ESYT2: variants seen among roughly 807,000 people sequenced by gnomAD.
ESYT2 encodes the protein extended synaptotagmin 2, also known as extended synaptotagmin-2.
ESYT2 carries 54 observed loss-of-function variants against 107.2 expected under a neutral mutation model. That is an observed-to-expected ratio of 0.50 (90% CI 0.40 to 0.63). The LOEUF (loss-of-function observed/expected upper bound fraction) is 0.63. ESYT2 is among the 30% of genes least tolerant of loss of function. ESYT2 has a pLI of 0.00. For missense variants in ESYT2, 1,020 were observed against 1,094.5 expected (o/e 0.93, Z 0.96); for synonymous variants, 491 against 434.1 (o/e 1.13, Z -1.63).
chr7:158,807,645 T>G (rs893331725), intron 1 of ESYT2, among the ~76,000 whole-genome samples: 14 of 152,200 alleles, frequency 9.2e-5, no homozygotes, highest in African/African-American at 3.4e-4. Context: ...CACTGCTGTT[T>G]GCTGTTACAC....
Position 158,826,113 on chromosome 7 carries a change from T to C in ESYT2, c.330+2976A>G, listed in dbSNP as rs148742220. ...TAGTTTCTTCTATTATTGATGTGCT[T>C]TGACCACCCCCACCACCCCTGCCGC... On this transcript the variant is annotated intron_variant, in intron 1 of 22. Coordinates refer to ENST00000275418, the MANE Select transcript of ESYT2 (RefSeq NM_001367773.1). Among the ~76,000 whole-genome samples, 423 of 152,264 alleles carry C rather than the reference T, an allele frequency of 2.8e-3. 4 individuals are homozygous for C. Among genetic ancestry groups the C allele is most frequent in the African/African-American group, 9.5e-3 (395 of 41,552 alleles).
intron 3 of ESYT2, among the ~76,000 whole-genome samples, chr7:158,794,934 T>C (rs1234021057): frequency 1.3e-5 from 2 of 152,242 alleles, no homozygotes; most frequent in Non-Finnish European, 1.5e-5. Flanking sequence ...CCAGGCTTTT[T>C]CTTTATGGTA....
In ESYT2 at chr7:158,759,572, C is replaced by A; in HGVS notation, c.1333G>T (p.Asp445Tyr). The change falls in exon 13 of 23, where the codon GAC becomes TAC. Residue 445 changes from aspartate to tyrosine, a missense_variant. By Grantham distance (160) the Asp-to-Tyr change is radical (BLOSUM62 -3). Transcript: ENST00000275418. The part of the protein sequence containing the change: ...NASNLDKVLT[D>Y]IKADKDQAND... Reference sequence around the variant, plus strand: ...GCTTGGTCTTTGTCAGCTTTGATGTCTGTTAGCACCTAAAAGGAAAGGAAA... The same window carrying A: ...GCTTGGTCTTTGTCAGCTTTGATGTATGTTAGCACCTAAAAGGAAAGGAAA... 1 of 1,609,052 alleles carries A rather than the reference C, an allele frequency of 6.2e-7. No homozygotes were observed. Among genetic ancestry groups the A allele is most frequent in the South Asian group, 1.1e-5 (1 of 90,878 alleles).
At chr7:158,774,029 C>T (rs887654504) in intron 6 of ESYT2, among the ~76,000 whole-genome samples, 1 of 152,192 alleles carries the variant, frequency 6.6e-6, no homozygotes, top group African/African-American at 2.4e-5. Context: ...TAGAATAATT[C>T]CCAGTTAGCT....
intron 4 of ESYT2, among the ~76,000 whole-genome samples, chr7:158,788,858 C>A (rs1437460247): frequency 6.6e-6 from 1 of 152,156 alleles, no homozygotes; most frequent in African/African-American, 2.4e-5. Context: ...CACCTTGCTT[C>A]CCAATCATGA....
chr7:158,814,358 C>T (rs2167911), intron 1 of ESYT2, among the ~76,000 whole-genome samples: 1 of 120,244 alleles, frequency 8.3e-6, no homozygotes, highest in Non-Finnish European at 1.7e-5. Context: ...AAATAATATA[C>T]CTTACTCGTC....
intron 4 of ESYT2, among the ~76,000 whole-genome samples, chr7:158,792,663 C>A (rs1166929379): frequency 6.6e-6 from 1 of 151,168 alleles, no homozygotes; most frequent in African/African-American, 2.4e-5. Flanking sequence ...CTAGAACTCA[C>A]AATATTGTGT....
At chr7:158,809,857 C>CTGTT (rs61188867) in intron 1 of ESYT2, among the ~76,000 whole-genome samples, 20,463 of 152,102 alleles carry the variant, frequency 0.13, 2,252 homozygotes, top group East Asian at 0.55. Context: ...ACCTGGCTGG[C>CTGTT]TGTTTCTGTA....
rs1204519809 is a variant in ESYT2 at position 158,829,453 on chromosome 7, G to A, written c.-35C>T. 1 of 1,197,396 alleles carries A rather than the reference G, an allele frequency of 8.4e-7. No homozygotes were observed. Among genetic ancestry groups the A allele is most frequent in the Non-Finnish European group, 1.0e-6 (1 of 967,676 alleles). The allele number at this position is 1,197,396 out of a possible 1,614,324, so 74.2% of individuals were successfully genotyped here. On this transcript the variant is annotated 5_prime_UTR_variant, in exon 1 of 23. Coordinates refer to ENST00000275418, the MANE Select transcript of ESYT2 (RefSeq NM_001367773.1). Reference sequence around the variant, plus strand: ...GTGCCGCGCTGCCCTCCCGGCCGAGGCGGGCTGGGTGCTCGCGCTGATCCC... The same window carrying A: ...GTGCCGCGCTGCCCTCCCGGCCGAGACGGGCTGGGTGCTCGCGCTGATCCC...
In ESYT2 at chr7:158,743,618, G is replaced by A. The variant is rs769674922; in HGVS notation, c.1705C>T (p.Leu569Phe). The A allele has an allele frequency of 1.2e-6, 2 of 1,613,760 alleles. No individual in the cohort carries two copies. The highest frequency in any genetic ancestry group is 1.7e-5 in the Admixed American group (1 of 59,930). Residue 569 changes from leucine to phenylalanine, a missense_variant, in exon 17 of 23, where the codon CTC becomes TTC. By Grantham distance (22) the Leu-to-Phe change is conservative. Coordinates refer to ENST00000275418, the MANE Select transcript of ESYT2 (RefSeq NM_001367773.1). ...CTCACAGTCATGTCCTCACTGGTGA[G>A]CAGCTGGCTGAGGGGGACCTTCAGG... ...GNLKVPLSQL[L>F]TSEDMTVSQR... is the part of the protein sequence containing the mutation.
At chr7:158,753,513 T>C (rs114134257) in intron 13 of ESYT2, among the ~76,000 whole-genome samples, 178 of 152,330 alleles carry the variant, frequency 1.2e-3, no homozygotes, top group African/African-American at 4.1e-3. Flanking sequence ...TGCAAGCTCC[T>C]TCTAGGACTA....
chr7:158,735,402 G>A (rs1018446745), intron 21 of ESYT2, 101 bp downstream of exon 21: 21 of 889,482 alleles, frequency 2.4e-5, no homozygotes, highest in Admixed American at 4.2e-5. Flanking sequence ...TCGTAAGTTC[G>A]CCCCTTCCAC....
At chr7:158,788,296 G>A (rs745731183) in intron 5 of ESYT2, 49 bp downstream of exon 5, 6 of 1,526,906 alleles carry the variant, frequency 3.9e-6, no homozygotes, top group Non-Finnish European at 5.3e-6. Flanking sequence ...ATACAGCTTA[G>A]AGAACTTTAG....
chr7:158,775,794 A>G (rs1323888073), intron 6 of ESYT2, among the ~76,000 whole-genome samples: 1 of 152,156 alleles, frequency 6.6e-6, no homozygotes, highest in African/African-American at 2.4e-5. Flanking sequence ...ATGAATCACT[A>G]GTGTTTTCAA....
chr7:158,793,795 A>G (rs1166084895), intron 3 of ESYT2, 69 bp from the exon 4 acceptor site: 1 of 1,200,458 alleles, frequency 8.3e-7, no homozygotes, highest in East Asian at 2.4e-5. Flanking sequence ...GTAACATACC[A>G]TAGAGACAAA....
chr7:158,786,597 C>A (rs969269800), intron 6 of ESYT2, among the ~76,000 whole-genome samples: 16 of 152,208 alleles, frequency 1.1e-4, no homozygotes, highest in African/African-American at 3.6e-4. Context: ...ATAAGAAAAT[C>A]AGAACAATTA....
intron 6 of ESYT2, among the ~76,000 whole-genome samples, chr7:158,787,256 C>A (rs1034700215): frequency 1.3e-5 from 2 of 152,230 alleles, no homozygotes; most frequent in African/African-American, 4.8e-5. Flanking sequence ...ATACGTTCCA[C>A]ATCCCTAATC....
Position 158,741,666 on chromosome 7 carries a change from C to T in ESYT2, c.2025G>A (p.Leu675=), listed in dbSNP as rs1253369233. The T allele has an allele frequency of 6.2e-7, 1 of 1,613,920 alleles. No homozygotes were observed. The highest frequency in any genetic ancestry group is 8.5e-7 in the Non-Finnish European group (1 of 1,179,992). The change falls in exon 18 of 23, where the codon CTG becomes CTA. Residue 675 remains leucine (L), a synonymous_variant. Transcript: ENST00000275418. ...TGGAGGAGCTTCTGCCCAGGTCGTG[C>T]AGCCCCTGAGGGCCGGCCTCAGGGG... ...AQPPEAGPQG[L]HDLGRSSSSL...
intron 1 of ESYT2, among the ~76,000 whole-genome samples, chr7:158,817,317 C>T (rs1840173042): frequency 6.6e-6 from 1 of 152,228 alleles, no homozygotes; most frequent in South Asian, 2.1e-4. Context: ...TACCTGGAGG[C>T]TTCATCTGTA....
Sources: allele counts gnomAD v4.1 joint callset (sites outside exome capture counted in the v4.1 genomes callset), GRCh38; gene constraint gnomAD v4.1.1; transcripts MANE v1.5; gene names NCBI Gene and HGNC (gene_info 2026-07-23, HGNC 2026-07-21).